MIA3: variants seen among roughly 807,000 people sequenced by gnomAD.
The protein encoded by MIA3 is transport and Golgi organization protein 1 homolog.
A neutral mutation model predicts 192.4 loss-of-function variants in MIA3; 90 were observed. The ratio of observed to expected loss-of-function variants is 0.47; its 90% CI spans 0.39 to 0.56. MIA3 has a LOEUF of 0.56. MIA3 is among the 20% of genes least tolerant of loss of function. The pLI, the probability that MIA3 is intolerant of heterozygous loss-of-function variation, is 0.00. For synonymous variants in MIA3, 740 were observed against 792.8 expected (o/e 0.93, Z 1.12); for missense variants, 2,123 against 2,269.4 (o/e 0.94, Z 1.31).
At chr1:222,644,165 T>G in intron 6 of MIA3, 1 of 595,958 alleles carries the variant, frequency 1.7e-6, no homozygotes, top group Non-Finnish European at 2.4e-6. Flanking sequence ...TTCCGCCTCT[T>G]TTTACTGGGA....
At chr1:222,651,534 C>A (rs978555929) in intron 11 of MIA3, among the ~76,000 whole-genome samples, 2 of 151,962 alleles carry the variant, frequency 1.3e-5, no homozygotes, top group East Asian at 1.9e-4. Flanking sequence ...TGTCTATTCT[C>A]ACTCCAATCC....
chr1:222,644,902 C>T (rs1663063623), intron 6 of MIA3, among the ~76,000 whole-genome samples: 1 of 151,970 alleles, frequency 6.6e-6, no homozygotes, highest in Non-Finnish European at 1.5e-5. Context: ...GGGATGGGAC[C>T]AGTGTGATAG....
In MIA3 at chr1:222,629,478, A is replaced by C. The variant is rs1255747751; in HGVS notation, c.2258A>C (p.Gln753Pro). 6 of 1,614,026 alleles carry C rather than the reference A, an allele frequency of 3.7e-6. No homozygotes were observed. The highest frequency in any genetic ancestry group is 2.2e-5 in the East Asian group (1 of 44,890). ...KEKNPGNQGR[Q>P]FDVNLQVPDR... ...AAAAACCCTGGGAATCAGGGCAGGC[A>C]GTTTGATGTTAATCTGCAAGTCCCT... Residue 753 changes from glutamine (Q) to proline (P), a missense_variant, in exon 4 of 28, where the codon CAG becomes CCG. Physicochemically the swap from Gln to Pro is moderately conservative, Grantham distance 76. Transcript: ENST00000344922.
chr1:222,659,902 C>A lies in MIA3; in HGVS notation c.4875-4C>A, dbSNP rs759925222. Reference sequence around the variant, plus strand: ...TTCTTAAATATTCTTTCTCTATATTCAAGATTATTAGAATTAACACAAAAG... The same window carrying A: ...TTCTTAAATATTCTTTCTCTATATTAAAGATTATTAGAATTAACACAAAAG... On this transcript the variant is annotated splice_region_variant and splice_polypyrimidine_tract_variant and intron_variant, in intron 22 of 27. Coordinates refer to ENST00000344922, the MANE Select transcript of MIA3 (RefSeq NM_198551.4). The A allele has an allele frequency of 6.2e-7, 1 of 1,607,476 alleles. No homozygotes were observed. Among genetic ancestry groups the A allele is most frequent in the Admixed American group, 1.7e-5 (1 of 59,874 alleles).
At chr1:222,648,464 A>G (rs948263226) in intron 7 of MIA3, among the ~76,000 whole-genome samples, 2 of 152,206 alleles carry the variant, frequency 1.3e-5, no homozygotes, top group African/African-American at 4.8e-5. Flanking sequence ...GTTGTCAAAT[A>G]AGTGACTTTG....
At chr1:222,643,342 A>T (rs183213660) in intron 6 of MIA3, among the ~76,000 whole-genome samples, 465 of 152,148 alleles carry the variant, frequency 3.1e-3, no homozygotes, top group African/African-American at 0.011. Context: ...AGTTGGGTCT[A>T]TTTCTGGATT....
intron 7 of MIA3, among the ~76,000 whole-genome samples, chr1:222,648,367 T>G (rs17531063): frequency 0.086 from 13,022 of 152,304 alleles, 668 homozygotes; most frequent in African/African-American, 0.13. Context: ...GGTGTGTATC[T>G]TAGTACGAAG....
intron 7 of MIA3, 195 bp downstream of exon 7, chr1:222,645,880 T>C: frequency 2.2e-6 from 1 of 456,420 alleles, no homozygotes; most frequent in South Asian, 2.7e-5. Context: ...ATAATCTCAG[T>C]GGGAAAACTT....
intron 5 of MIA3, 68 bp downstream of exon 5, chr1:222,632,394 G>A (rs888464178): frequency 5.2e-6 from 7 of 1,355,332 alleles, no homozygotes; most frequent in African/African-American, 4.4e-5. Flanking sequence ...GAGATTCATT[G>A]TCAAAGGCAG....
chr1:222,621,135 T>G, intron 1 of MIA3, 24 bp from the exon 2 acceptor site: 1 of 1,573,320 alleles, frequency 6.4e-7, no homozygotes, highest in Non-Finnish European at 8.6e-7. Context: ...TCTGGCTATT[T>G]TTTTTCTCTC....
intron 6 of MIA3, among the ~76,000 whole-genome samples, chr1:222,642,738 C>A (rs1002744498): frequency 4.6e-5 from 7 of 152,178 alleles, no homozygotes; most frequent in Non-Finnish European, 1.0e-4. Context: ...ATGTTTGGAT[C>A]TTGCCAAGAT....
At chr1:222,620,074 A>G (rs1264956428) in intron 1 of MIA3, among the ~76,000 whole-genome samples, 1 of 152,252 alleles carries the variant, frequency 6.6e-6, no homozygotes, top group Non-Finnish European at 1.5e-5. Context: ...TATCTGAGCT[A>G]CAAAGCTGAC....
chr1:222,659,367 T>C (rs528615638), intron 19 of MIA3, 86 bp from the exon 20 acceptor site: 1 of 1,199,996 alleles, frequency 8.3e-7, no homozygotes, highest in Admixed American at 1.8e-5. Context: ...TAGGGTACAG[T>C]TGTTAGGGTA....
At chr1:222,642,410 T>C (rs1025948933) in intron 6 of MIA3, among the ~76,000 whole-genome samples, 1 of 152,258 alleles carries the variant, frequency 6.6e-6, no homozygotes, top group Non-Finnish European at 1.5e-5. Flanking sequence ...TATTTTCTTT[T>C]ATAGCTTCAC....
intron 6 of MIA3, among the ~76,000 whole-genome samples, chr1:222,635,852 G>A (rs1021683291): frequency 2.0e-5 from 3 of 152,130 alleles, no homozygotes; most frequent in Admixed American, 6.5e-5. Flanking sequence ...GTGCGTCACC[G>A]GTTCCTAGTG....
intron 2 of MIA3, among the ~76,000 whole-genome samples, chr1:222,623,951 C>T (rs949347344): frequency 1.6e-4 from 24 of 152,312 alleles, no homozygotes; most frequent in Admixed American, 1.4e-3. Context: ...CCTGTAATAT[C>T]GTTTTGGAAA....
rs1571867765 is a variant in MIA3 at position 222,629,494 on chromosome 1, G to T, written c.2274G>T (p.Leu758=). 1.9e-6 allele frequency: 3 copies of T among 1,614,090 alleles called. No individual in the cohort carries two copies. The highest frequency in any genetic ancestry group is 2.5e-6 in the Non-Finnish European group (3 of 1,180,018). ...AGGGCAGGCAGTTTGATGTTAATCT[G>T]CAAGTCCCTGACAGAGCAGTTTTAG... ...GNQGRQFDVN[L]QVPDRAVLGT... Residue 758 remains leucine, a synonymous_variant, in exon 4 of 28, where the codon CTG becomes CTT. Transcript: ENST00000344922.
rs369275574 is a variant in MIA3, at chr1:222,629,903, G to A, written c.2683G>A (p.Ala895Thr). The A allele has an allele frequency of 1.1e-5, 18 of 1,613,964 alleles. No individual in the cohort carries two copies. The highest frequency in any genetic ancestry group is 1.4e-5 in the Non-Finnish European group (17 of 1,180,032). The stretch of plus-strand genomic sequence containing the variant: ...CATGGGCACAGAAAGCCAGGGGTCT[G>A]CTGCTGCAGAACCTGAAGATGACTC... The part of the protein sequence containing the change: ...KYMGTESQGS[A>T]AAEPEDDSFH... The change falls in exon 4 of 28, where the codon GCT becomes ACT. Residue 895 changes from alanine to threonine, a missense_variant. Ala to Thr is a moderately conservative substitution (Grantham distance 58). Around this residue, in one of 3 missense-constraint regions of MIA3, gnomAD observed 1,357 missense variants for 1,396.1 expected, o/e 0.97. Transcript: ENST00000344922.
Position 222,628,105 on chromosome 1 carries a change from C to A in MIA3, c.885C>A (p.Leu295=). The change falls in exon 4 of 28, where the codon CTC becomes CTA. Residue 295 remains leucine, a synonymous_variant. Coordinates refer to ENST00000344922, the MANE Select transcript of MIA3 (RefSeq NM_198551.4). The part of the protein sequence containing the change: ...ALVSDDETTR[L]VTSLEDDFDE... ...TATCTGATGATGAGACAACCAGACT[C>A]GTTACTTCATTAGAAGATGATTTTG... is the stretch of plus-strand genomic sequence containing the variant. The A allele has an allele frequency of 2.5e-6, 4 of 1,613,956 alleles. No homozygotes were observed. Among genetic ancestry groups the A allele is most frequent in the Non-Finnish European group, 2.5e-6 (3 of 1,180,018 alleles).
Sources: gnomAD v4.1 joint callset for allele counts (sites outside exome capture counted in the v4.1 genomes callset) on GRCh38, gnomAD v4.1.1 for gene constraint, gnomAD v4.1.1 regional missense constraint, MANE v1.5 for transcripts, NCBI Gene and HGNC (gene_info 2026-07-23, HGNC 2026-07-21) for gene names.